The following PBX3 variants were observed in gnomAD, a reference collection of about 807,000 sequenced individuals.
PBX3 encodes pre-B-cell leukemia transcription factor 3.
In PBX3, 14 loss-of-function variants were observed where a neutral mutation model predicts 48.5. That is an observed-to-expected ratio of 0.29 (90% CI 0.19 to 0.45). PBX3 has a LOEUF of 0.45. PBX3 is among the 20% of genes least tolerant of loss of function. The pLI, the probability that PBX3 is intolerant of heterozygous loss-of-function variation, is 1.00. For missense variants in PBX3, 386 were observed against 546.7 expected (o/e 0.71, Z 2.93); for synonymous variants, 210 against 200.3 (o/e 1.05, Z -0.41).
chr9:125,760,169 G>A (rs1297246382), intron 2 of PBX3, among the ~76,000 whole-genome samples: 4 of 152,152 alleles, frequency 2.6e-5, no homozygotes, highest in Non-Finnish European at 5.9e-5. Flanking sequence ...TTTTGTGCTC[G>A]AATTTCAGGA....
chr9:125,879,215 C>G (rs908974595), intron 2 of PBX3, among the ~76,000 whole-genome samples: 1 of 151,412 alleles, frequency 6.6e-6, no homozygotes, highest in Non-Finnish European at 1.5e-5. Flanking sequence ...GTAGCTGGGA[C>G]TACAGGTGCA....
intron 2 of PBX3, among the ~76,000 whole-genome samples, chr9:125,757,283 T>TTA (rs1564639545): frequency 6.7e-6 from 1 of 149,598 alleles, no homozygotes; most frequent in African/African-American, 2.4e-5. Flanking sequence ...TGTTTTTTTT[T>TTA]AAAAAAAAAA....
intron 2 of PBX3, among the ~76,000 whole-genome samples, chr9:125,891,911 CATTTT>C (rs755800074): frequency 8.5e-5 from 13 of 152,064 alleles, no homozygotes; most frequent in South Asian, 2.1e-4. Flanking sequence ...GTTCAATCAG[CATTTT>C]ATTTTATTTT....
At chr9:125,887,368 T>C (rs970418449) in intron 2 of PBX3, among the ~76,000 whole-genome samples, 1 of 152,180 alleles carries the variant, frequency 6.6e-6, no homozygotes, top group Non-Finnish European at 1.5e-5. Context: ...TGTGTCATAA[T>C]TGATGGCTAA....
At chr9:125,810,631 A>G (rs549615050) in intron 2 of PBX3, among the ~76,000 whole-genome samples, 11 of 152,036 alleles carry the variant, frequency 7.2e-5, no homozygotes, top group Non-Finnish European at 1.5e-4. Flanking sequence ...TCTTTTGATT[A>G]TTTGTCCTAT....
At chr9:125,851,285 A>G (rs571545500) in intron 2 of PBX3, among the ~76,000 whole-genome samples, 41 of 151,904 alleles carry the variant, frequency 2.7e-4, no homozygotes, top group Admixed American at 4.6e-4. Flanking sequence ...TTAATTAGTA[A>G]AAGAATTTCC....
intron 5 of PBX3, among the ~76,000 whole-genome samples, chr9:125,954,735 CA>C (rs1269299415): frequency 6.6e-6 from 1 of 152,128 alleles, no homozygotes; most frequent in Non-Finnish European, 1.5e-5. Flanking sequence ...GACAAGGTTT[CA>C]CCATATTGGC....
chr9:125,883,196 C>T (rs1465923033), intron 2 of PBX3, among the ~76,000 whole-genome samples: 1 of 152,114 alleles, frequency 6.6e-6, no homozygotes, highest in Non-Finnish European at 1.5e-5. Context: ...CATTCAAACA[C>T]GGTAAACTTA....
intron 2 of PBX3, among the ~76,000 whole-genome samples, chr9:125,854,429 C>T (rs1174008192): frequency 5.3e-5 from 8 of 152,070 alleles, no homozygotes; most frequent in Admixed American, 4.6e-4. Flanking sequence ...TGCCATCATG[C>T]GCAGCCCTAA....
intron 2 of PBX3, among the ~76,000 whole-genome samples, chr9:125,887,391 G>A (rs183211075): frequency 2.4e-4 from 37 of 152,274 alleles, no homozygotes; most frequent in Middle Eastern, 3.4e-3. Context: ...AAAAGCACAC[G>A]CTATGCTAAT....
Position 125,966,074 on chromosome 9 carries a change from GA to G in PBX3, c.*153del, listed in dbSNP as rs1435268832. On this transcript the variant is annotated 3_prime_UTR_variant, in exon 9 of 9. Transcript: ENST00000373489. ...GAACTTGGTAAATCTGTTTTTTAAG[GA>G]ATCATAATCATTTGTATTTATACTT... The G allele has an allele frequency of 7.7e-6, 4 of 519,466 alleles. No individual in the cohort carries two copies. The highest frequency in any genetic ancestry group is 1.0e-5 in the Non-Finnish European group (3 of 289,938). The allele number at this position is 519,466 out of a possible 1,614,324, so 32.2% of individuals were successfully genotyped here. A position where few individuals can be genotyped will look rare whatever the true frequency, so the allele number is the denominator to read the frequency against.
At chr9:125,854,722 A>G (rs1246936801) in intron 2 of PBX3, among the ~76,000 whole-genome samples, 1 of 152,218 alleles carries the variant, frequency 6.6e-6, no homozygotes, top group African/African-American at 2.4e-5. Context: ...ATTCATTTGT[A>G]CTTAAGACTT....
chr9:125,750,965 A>G (rs1836358752), intron 2 of PBX3, among the ~76,000 whole-genome samples: 3 of 152,232 alleles, frequency 2.0e-5, no homozygotes, highest in South Asian at 4.1e-4. Flanking sequence ...AGCTGTGTAG[A>G]CATTAGTGTT....
At chr9:125,847,025 G>A (rs554755455) in intron 2 of PBX3, among the ~76,000 whole-genome samples, 21 of 151,562 alleles carry the variant, frequency 1.4e-4, no homozygotes, top group African/African-American at 5.1e-4. Context: ...TCTGTTCTTT[G>A]TATTTCCTAC....
At chr9:125,921,080 A>T (rs568157784) in intron 3 of PBX3, among the ~76,000 whole-genome samples, 1 of 152,250 alleles carries the variant, frequency 6.6e-6, no homozygotes, top group African/African-American at 2.4e-5. Context: ...GTTAAGCAGG[A>T]CAGACAAAAG....
At position 125,917,067 on chromosome 9, in the gene PBX3, G is replaced by A. The variant is rs1328552664; in HGVS notation, c.516+1140G>A. On this transcript the variant is annotated intron_variant, in intron 3 of 8. Transcript: ENST00000373489. ...TATTTTGTGTACCCAGCCCCAATTTGGTAAGAGTATTTTAAAGCAAGTCTT... is the reference window on the plus strand; with the variant it reads ...TATTTTGTGTACCCAGCCCCAATTTAGTAAGAGTATTTTAAAGCAAGTCTT... Among the ~76,000 whole-genome samples the A allele has an allele frequency of 2.6e-5, 4 of 152,086 alleles. No homozygotes were observed. The South Asian group carries it at 8.3e-4, about 32-fold the overall frequency.
chr9:125,924,559 A>G (rs1841529358), intron 3 of PBX3, among the ~76,000 whole-genome samples: 1 of 152,214 alleles, frequency 6.6e-6, no homozygotes, highest in Non-Finnish European at 1.5e-5. Context: ...ATTTAAGATC[A>G]CTGGTCTGGT....
chr9:125,815,822 G>C (rs903097459), intron 2 of PBX3, among the ~76,000 whole-genome samples: 2 of 152,076 alleles, frequency 1.3e-5, no homozygotes, highest in African/African-American at 4.8e-5. Context: ...TGGAGCCTCT[G>C]TCAGTCTTTG....
intron 2 of PBX3, among the ~76,000 whole-genome samples, chr9:125,809,133 TA>T (rs1472966474): frequency 6.6e-6 from 1 of 152,166 alleles, no homozygotes; most frequent in Non-Finnish European, 1.5e-5. Context: ...GTTAACCATA[TA>T]AGAGCTGAAA....
Sources: gnomAD v4.1 joint callset for allele counts (sites outside exome capture counted in the v4.1 genomes callset) on GRCh38, gnomAD v4.1.1 for gene constraint, MANE v1.5 for transcripts, NCBI Gene and HGNC (gene_info 2026-07-23, HGNC 2026-07-21) for gene names.